MMP26: variants seen among roughly 807,000 people sequenced by gnomAD.
The protein encoded by MMP26 is matrix metallopeptidase 26, also known as matrix metalloproteinase-26.
MMP26 carries 33 observed loss-of-function variants against 31.0 expected under a neutral mutation model. The ratio of observed to expected loss-of-function variants is 1.06; its 90% CI spans 0.81 to 1.42. The LOEUF (loss-of-function observed/expected upper bound fraction) is 1.42, where lower values mean the gene tolerates loss of function less well. Among genes scored for constraint, MMP26 ranks in the 40% most tolerant of loss-of-function variants. The pLI is 0.00. For synonymous variants in MMP26, 122 were observed against 114.9 expected (o/e 1.06, Z -0.40); for missense variants, 347 against 316.1 (o/e 1.10, Z -0.74).
intron 1 of MMP26, among the ~76,000 whole-genome samples, chr11:4,757,493 A>T (rs1248807170): frequency 1.3e-5 from 2 of 152,062 alleles, no homozygotes; most frequent in Non-Finnish European, 2.9e-5. Context: ...TCAAACAAAA[A>T]AAAGTACAAT....
intron 1 of MMP26, among the ~76,000 whole-genome samples, chr11:4,731,861 C>A (rs1439271939): frequency 6.6e-6 from 1 of 152,026 alleles, no homozygotes; most frequent in African/African-American, 2.4e-5. Context: ...GATGGATTTC[C>A]TTCTGTATTG....
At chr11:4,935,462 T>G (rs1389699402) in intron 2 of MMP26, among the ~76,000 whole-genome samples, 3 of 151,244 alleles carry the variant, frequency 2.0e-5, no homozygotes, top group South Asian at 2.1e-4. Context: ...CTTATCAGCT[T>G]AAGGAGATTT....
At chr11:4,891,013 A>AATAATG (rs1554889157) in intron 2 of MMP26, among the ~76,000 whole-genome samples, 3 of 147,960 alleles carry the variant, frequency 2.0e-5, no homozygotes, top group Non-Finnish European at 3.0e-5. Flanking sequence ...TAATAATAAT[A>AATAATG]ATAATAATAA....
At position 4,947,284 on chromosome 11, in the gene MMP26, A is replaced by G. The variant is rs1179630485; in HGVS notation, c.-144-40784A>G. 3 of 464,334 alleles carry G rather than the reference A, an allele frequency of 6.5e-6. 1 individual carries two copies. The Admixed American group carries it at 1.3e-4, about 20-fold the overall frequency. The allele number at this position is 464,334 out of a possible 1,614,324, so 28.8% of individuals were successfully genotyped here. On this transcript the variant is annotated intron_variant, in intron 2 of 7. Transcript: ENST00000380390. ...GAGAGATGGTTGGTTGCTGCTTTGG[A>G]CTATAATCTGTCGTATAATACATTG...
At chr11:4,716,190 T>C (rs1847928273) in intron 1 of MMP26, among the ~76,000 whole-genome samples, 1 of 152,150 alleles carries the variant, frequency 6.6e-6, no homozygotes, top group South Asian at 2.1e-4. Context: ...ATTGTTCCTC[T>C]CCAATTAAGA....
intron 1 of MMP26, among the ~76,000 whole-genome samples, chr11:4,753,683 A>C (rs975329052): frequency 6.6e-6 from 1 of 152,110 alleles, no homozygotes; most frequent in Non-Finnish European, 1.5e-5. Context: ...TAGATACCAA[A>C]TTTCATTTAC....
At chr11:4,731,004 G>C (rs916202587) in intron 1 of MMP26, among the ~76,000 whole-genome samples, 2 of 152,064 alleles carry the variant, frequency 1.3e-5, no homozygotes, top group South Asian at 2.1e-4. Context: ...GAATGCAATG[G>C]TGCGATCTTG....
intron 2 of MMP26, among the ~76,000 whole-genome samples, chr11:4,827,752 T>C (rs951265349): frequency 1.3e-5 from 2 of 151,788 alleles, no homozygotes; most frequent in Non-Finnish European, 2.9e-5. Flanking sequence ...AGAAGAAAGA[T>C]AATAGATTTT....
intron 1 of MMP26, among the ~76,000 whole-genome samples, chr11:4,744,027 C>A (rs1407894768): frequency 1.3e-5 from 2 of 152,058 alleles, no homozygotes; most frequent in African/African-American, 4.8e-5. Context: ...TCTGAAACTC[C>A]TGGACTCAAG....
At chr11:4,936,600 T>A (rs1205508269) in intron 2 of MMP26, among the ~76,000 whole-genome samples, 1 of 152,144 alleles carries the variant, frequency 6.6e-6, no homozygotes, top group Non-Finnish European at 1.5e-5. Context: ...ATTTTTAAAT[T>A]ATAGAAAAGA....
chr11:4,919,542 T>C (rs1233271575), intron 2 of MMP26, among the ~76,000 whole-genome samples: 2 of 152,018 alleles, frequency 1.3e-5, no homozygotes, highest in East Asian at 3.9e-4. Context: ...GATACCAGGA[T>C]GGAAAGCCCA....
At position 4,725,935 on chromosome 11, in the gene MMP26, G is replaced by A. The variant is rs116135155; in HGVS notation, c.-217+20890G>A. Among the ~76,000 whole-genome samples, 832 of 152,282 alleles carry A rather than the reference G, an allele frequency of 5.5e-3. 7 individuals are homozygous for A. Among genetic ancestry groups the A allele is most frequent in the African/African-American group, 0.019 (772 of 41,546 alleles). On this transcript the variant is annotated intron_variant, in intron 1 of 7. Transcript: ENST00000380390. ...TGCATGTGAGAGAGCCAGTAAGAAG[G>A]TCCTCTTAGATGATGTCCAGTAGGG...
chr11:4,825,906 G>T (rs1329014860), intron 2 of MMP26, among the ~76,000 whole-genome samples: 1 of 152,088 alleles, frequency 6.6e-6, no homozygotes. Context: ...TCAAAAGACA[G>T]AAATCATACA....
At chr11:4,709,936 A>T (rs1217103982) in intron 1 of MMP26, 1 of 456,884 alleles carries the variant, frequency 2.2e-6, no homozygotes. Flanking sequence ...ATGGCCTTTG[A>T]CCGCTTTATT....
At chr11:4,889,503 C>A (rs1850587773) in intron 2 of MMP26, 1 of 152,102 alleles carries the variant, frequency 6.6e-6, no homozygotes, top group African/African-American at 2.4e-5. Flanking sequence ...ATAATTAAGA[C>A]AAATAATGGT....
intron 1 of MMP26, chr11:4,723,026 T>G: frequency 1.0e-6 from 1 of 1,004,022 alleles, no homozygotes; most frequent in Non-Finnish European, 1.6e-6. Flanking sequence ...GGTGGCGATC[T>G]CGATATCCAG....
chr11:4,724,060 A>C (rs1398076591), intron 1 of MMP26: 1 of 654,552 alleles, frequency 1.5e-6, no homozygotes, highest in African/African-American at 1.8e-5. Flanking sequence ...ACTGGGGAAA[A>C]GCTTGAGGAG....
At chr11:4,714,792 G>A (rs1308964825) in intron 1 of MMP26, among the ~76,000 whole-genome samples, 3 of 152,106 alleles carry the variant, frequency 2.0e-5, no homozygotes, top group Non-Finnish European at 4.4e-5. Context: ...TGGGCCTGGA[G>A]TGTTATCTTG....
Position 4,991,982 on chromosome 11 carries a change from T to C in MMP26, c.614T>C (p.Val205Ala), listed in dbSNP as rs1322399214. The change falls in exon 7 of 8, where the codon GTT (valine) becomes GCT (alanine). Residue 205 changes from valine (V) to alanine (A), a missense_variant. Transcript: ENST00000380390. ...ASDTGYNLFL[V>A]ATHEIGHSLG... ...TTTTCAGGATATAATCTGTTCCTGG[T>C]TGCAACTCATGAGATTGGGCATTCT... is the stretch of plus-strand genomic sequence containing the variant. 1 of 1,606,506 alleles carries C rather than the reference T, an allele frequency of 6.2e-7. No individual in the cohort carries two copies. The highest frequency in any genetic ancestry group is 8.5e-7 in the Non-Finnish European group (1 of 1,178,056).
Sources: allele counts gnomAD v4.1 joint callset (sites outside exome capture counted in the v4.1 genomes callset), GRCh38; gene constraint gnomAD v4.1.1; transcripts MANE v1.5; gene names NCBI Gene and HGNC (gene_info 2026-07-23, HGNC 2026-07-21).